Variants in RIPOR2 observed in about 807,000 individuals in gnomAD.
RIPOR2 encodes RHO family interacting cell polarization regulator 2, also known as rho family-interacting cell polarization regulator 2.
In RIPOR2, 39 loss-of-function variants were observed where a neutral mutation model predicts 114.5. The observed-to-expected ratio is 0.34, with a 90% confidence interval of 0.26 to 0.44. The LOEUF (loss-of-function observed/expected upper bound fraction) is 0.44, where lower values mean the gene tolerates loss of function less well. RIPOR2 is among the 20% of genes least tolerant of loss of function. The pLI is 1.00. For missense variants in RIPOR2, 1,007 were observed against 1,255.1 expected (o/e 0.80, Z 2.99); for synonymous variants, 445 against 484.4 (o/e 0.92, Z 1.07).
intron 6 of RIPOR2, among the ~76,000 whole-genome samples, chr6:24,866,662 G>T (rs1196634267): frequency 6.6e-6 from 1 of 151,450 alleles, no homozygotes; most frequent in East Asian, 1.9e-4. Context: ...AAAAAAACCT[G>T]TTCTAAAGTT....
At chr6:24,831,269 C>T (rs1434750993) in intron 16 of RIPOR2, among the ~76,000 whole-genome samples, 5 of 152,090 alleles carry the variant, frequency 3.3e-5, no homozygotes, top group Non-Finnish European at 2.9e-5. Context: ...GGAGCTCTAC[C>T]CTTGGGCAGC....
intron 1 of RIPOR2, among the ~76,000 whole-genome samples, chr6:24,989,117 A>C (rs1294016713): frequency 6.6e-6 from 1 of 152,150 alleles, no homozygotes; most frequent in African/African-American, 2.4e-5. Context: ...TCTTTCAAAA[A>C]GATTCTATTG....
intron 1 of RIPOR2, chr6:25,024,476 G>A: frequency 1.2e-6 from 1 of 854,782 alleles, no homozygotes; most frequent in South Asian, 1.3e-5. Context: ...TGGAGCCTTT[G>A]CTGGACATAG....
intron 1 of RIPOR2, among the ~76,000 whole-genome samples, chr6:24,943,157 A>T (rs1772227844): frequency 6.6e-6 from 1 of 152,246 alleles, no homozygotes; most frequent in Non-Finnish European, 1.5e-5. Context: ...AATACTATGC[A>T]GCCATAGAAA....
chr6:24,925,658 C>T (rs1237901739), intron 1 of RIPOR2, among the ~76,000 whole-genome samples: 1 of 151,698 alleles, frequency 6.6e-6, no homozygotes, highest in Non-Finnish European at 1.5e-5. Flanking sequence ...ACCAAGATTG[C>T]ACCACTGTAC....
intron 1 of RIPOR2, among the ~76,000 whole-genome samples, chr6:25,005,768 T>C (rs1775539683): frequency 7.3e-6 from 1 of 137,448 alleles, no homozygotes; most frequent in Non-Finnish European, 1.6e-5. Context: ...GATATGCCAT[T>C]ATATACATCA....
intron 1 of RIPOR2, among the ~76,000 whole-genome samples, chr6:24,991,424 G>C (rs1050595506): frequency 6.6e-6 from 1 of 152,078 alleles, no homozygotes; most frequent in Non-Finnish European, 1.5e-5. Context: ...TAGCTTGTCT[G>C]GTGGTATACT....
intron 1 of RIPOR2, among the ~76,000 whole-genome samples, chr6:25,031,446 G>A (rs1389972767): frequency 6.6e-6 from 1 of 151,674 alleles, no homozygotes; most frequent in Non-Finnish European, 1.5e-5. Flanking sequence ...GACTATAGGT[G>A]TTTGTCAAGA....
intron 16 of RIPOR2, among the ~76,000 whole-genome samples, chr6:24,832,006 G>A (rs1157443959): frequency 6.6e-6 from 1 of 152,196 alleles, no homozygotes; most frequent in Non-Finnish European, 1.5e-5. Context: ...TGAAGTGGAT[G>A]CTGTTTTTGT....
chr6:24,808,205 G>A (rs1320065208), intron 21 of RIPOR2, among the ~76,000 whole-genome samples: 1 of 152,198 alleles, frequency 6.6e-6, no homozygotes, highest in Non-Finnish European at 1.5e-5. Flanking sequence ...GTATGGTGAT[G>A]GCTTCTGGAG....
intron 4 of RIPOR2, among the ~76,000 whole-genome samples, chr6:24,871,741 T>A (rs1418766233): frequency 6.6e-6 from 1 of 152,250 alleles, no homozygotes; most frequent in African/African-American, 2.4e-5. Context: ...TATCATAGTA[T>A]AATCAGTGCA....
At chr6:24,833,532 A>AC (rs1760848647) in intron 15 of RIPOR2, among the ~76,000 whole-genome samples, 1 of 149,928 alleles carries the variant, frequency 6.7e-6, no homozygotes, top group African/African-American at 2.5e-5. Context: ...CAACAACAAA[A>AC]AAACAAAACA....
chr6:24,985,591 G>A (rs777078862), intron 1 of RIPOR2, among the ~76,000 whole-genome samples: 27 of 152,164 alleles, frequency 1.8e-4, no homozygotes, highest in Non-Finnish European at 3.1e-4. Flanking sequence ...GTGATGACAG[G>A]GACATTGACA....
At chr6:24,927,159 C>T (rs750401249) in intron 1 of RIPOR2, among the ~76,000 whole-genome samples, 228 of 10,802 alleles carry the variant, frequency 0.021, 93 homozygotes, top group Admixed American at 0.097. Context: ...CCACCACCAC[C>T]ACAACTACAA....
intron 2 of RIPOR2, among the ~76,000 whole-genome samples, chr6:24,875,003 C>G (rs1458914688): frequency 6.6e-6 from 1 of 152,120 alleles, no homozygotes; most frequent in African/African-American, 2.4e-5. Context: ...ACTCACTGAC[C>G]CAGCTATCAG....
intron 1 of RIPOR2, among the ~76,000 whole-genome samples, chr6:25,038,836 C>T (rs303895): frequency 0.52 from 78,815 of 152,138 alleles, 20,502 homozygotes; most frequent in South Asian, 0.56. Context: ...AGAAAACAAA[C>T]ATAAATTTCA....
In RIPOR2 at chr6:24,805,434, C is replaced by T. The variant is rs1179199108; in HGVS notation, c.*939G>A. The T allele has an allele frequency of 2.6e-5, 4 of 151,244 alleles. No homozygotes were observed. Among genetic ancestry groups the T allele is most frequent in the African/African-American group, 9.7e-5 (4 of 41,096 alleles). 9.4% of individuals were successfully genotyped at this position (151,244 alleles called of 1,614,324 possible). A position where few individuals can be genotyped will look rare whatever the true frequency, so the allele number is the denominator to read the frequency against. ...GAGACTGGCTCTCATTCCTCTGTCA[C>T]ATGGGCTGGAGTGCAGTAGTGTAAT... On this transcript the variant is annotated 3_prime_UTR_variant, in exon 22 of 22. Transcript: ENST00000643898.
chr6:24,879,658 TATACAAAACACTCCCTTC>T, intron 1 of RIPOR2, among the ~76,000 whole-genome samples: 1 of 152,228 alleles, frequency 6.6e-6, no homozygotes, highest in South Asian at 2.1e-4. Flanking sequence ...GGGACAAAAG[TATACAAAACACTCCCTTC>T]CCCATAGCTC....
chr6:24,845,207 A>G, intron 12 of RIPOR2, among the ~76,000 whole-genome samples: 1 of 152,154 alleles, frequency 6.6e-6, no homozygotes, highest in East Asian at 1.9e-4. Flanking sequence ...ACTGTGGTCC[A>G]CAATGTTGTT....
Sources: gnomAD v4.1 joint callset for allele counts (sites outside exome capture counted in the v4.1 genomes callset) on GRCh38, gnomAD v4.1.1 for gene constraint, MANE v1.5 for transcripts, NCBI Gene and HGNC (gene_info 2026-07-23, HGNC 2026-07-21) for gene names.